ADAM12: variants seen among roughly 807,000 people sequenced by gnomAD.
ADAM12 encodes the protein ADAM metallopeptidase domain 12, also known as disintegrin and metalloproteinase domain-containing protein 12.
Under a neutral mutation model 106.4 loss-of-function variants are expected in ADAM12, and 70 were observed. The ratio of observed to expected loss-of-function variants is 0.66; its 90% CI spans 0.54 to 0.80. The LOEUF (loss-of-function observed/expected upper bound fraction) is 0.80, where lower values mean the gene tolerates loss of function less well. Among genes scored for constraint, ADAM12 ranks in the 30% least tolerant of loss-of-function variants. The pLI, the probability that ADAM12 is intolerant of heterozygous loss-of-function variation, is 0.00. For missense variants in ADAM12, 1,010 were observed against 1,171.9 expected (o/e 0.86, Z 2.02); for synonymous variants, 420 against 433.5 (o/e 0.97, Z 0.39).
In ADAM12 at chr10:126,093,972, C is replaced by T; in HGVS notation, c.1145+13G>A. On this transcript the variant is annotated intron_variant, in intron 11 of 22. Coordinates refer to ENST00000448723, the MANE Select transcript of ADAM12 (RefSeq NM_001288973.2). ...TGCACACTGTCAAAGCAGATGGAAG[C>T]AATGGTACTTGCCCGGTGGAAGCGT... is the stretch of plus-strand genomic sequence containing the variant. 6.2e-7 allele frequency: 1 copy of T among 1,613,834 alleles called. No homozygotes were observed. Among genetic ancestry groups the T allele is most frequent in the Non-Finnish European group, 8.5e-7 (1 of 1,179,798 alleles).
chr10:126,252,251 G>A (rs1194553048), intron 3 of ADAM12, among the ~76,000 whole-genome samples: 1 of 151,406 alleles, frequency 6.6e-6, no homozygotes, highest in Non-Finnish European at 1.5e-5. Context: ...TTGGACTGAT[G>A]GATGGGATGG....
At chr10:126,154,143 C>A (rs1055832298) in intron 4 of ADAM12, among the ~76,000 whole-genome samples, 1 of 152,218 alleles carries the variant, frequency 6.6e-6, no homozygotes, top group Non-Finnish European at 1.5e-5. Context: ...GGCCCTCTTT[C>A]TGGGTCTTGA....
At chr10:126,325,816 T>C (rs761517982) in intron 2 of ADAM12, among the ~76,000 whole-genome samples, 4 of 152,340 alleles carry the variant, frequency 2.6e-5, no homozygotes, top group Non-Finnish European at 5.9e-5. Context: ...ATTTCTGTAG[T>C]AGTGTTAAGT....
In ADAM12 at chr10:126,053,259, C is replaced by T. The variant is rs1469357680; in HGVS notation, c.1610-3590G>A. The stretch of plus-strand genomic sequence containing the variant: ...CTGCAGAACCAAGAACCAATTAAAC[C>T]TTTTTTCTTTATAAATTACCCAGTC... On this transcript the variant is annotated intron_variant, in intron 14 of 22. Coordinates refer to ENST00000448723, the MANE Select transcript of ADAM12 (RefSeq NM_001288973.2). This position sits in a 1 kb window ranked among gnomAD's most constrained non-coding sequence, Gnocchi z 4.6. 6.6e-6 allele frequency among the ~76,000 whole-genome samples: 1 copy of T among 152,106 alleles called. No individual in the cohort carries two copies. The highest frequency in any genetic ancestry group is 1.5e-5 in the Non-Finnish European group (1 of 68,020).
At chr10:126,018,285 G>C (rs1245814662) in intron 22 of ADAM12, among the ~76,000 whole-genome samples, 3 of 152,242 alleles carry the variant, frequency 2.0e-5, no homozygotes, top group African/African-American at 4.8e-5. Flanking sequence ...TGTGTCAGAA[G>C]AGTACTTTGG....
chr10:126,042,317 A>G, intron 18 of ADAM12: 1 of 1,549,916 alleles, frequency 6.5e-7, no homozygotes, highest in Non-Finnish European at 8.7e-7. Flanking sequence ...CCGCACCAGT[A>G]AACCATTTCT....
chr10:126,210,972 T>C (rs1276159277), intron 3 of ADAM12, among the ~76,000 whole-genome samples: 1 of 152,174 alleles, frequency 6.6e-6, no homozygotes, highest in African/African-American at 2.4e-5. Flanking sequence ...TTTTTCCTAT[T>C]TTCAATCTTT....
intron 2 of ADAM12, among the ~76,000 whole-genome samples, chr10:126,298,223 G>GA (rs1051579888): frequency 6.6e-6 from 1 of 150,694 alleles, no homozygotes; most frequent in Non-Finnish European, 1.5e-5. Context: ...TGAAATACAA[G>GA]AAAAAAACCA....
intron 3 of ADAM12, among the ~76,000 whole-genome samples, chr10:126,227,339 C>T (rs2133862954): frequency 6.6e-6 from 1 of 152,318 alleles, no homozygotes; most frequent in East Asian, 1.9e-4. Flanking sequence ...ATCATAACCA[C>T]ATCACCGCTG....
intron 21 of ADAM12, among the ~76,000 whole-genome samples, chr10:126,020,867 C>T (rs961530058): frequency 1.3e-4 from 20 of 151,894 alleles, no homozygotes; most frequent in Admixed American, 2.6e-4. Flanking sequence ...TGGCACATGC[C>T]TGTAATCCCA....
At chr10:126,203,720 A>C (rs1042494881) in intron 3 of ADAM12, among the ~76,000 whole-genome samples, 5 of 152,218 alleles carry the variant, frequency 3.3e-5, no homozygotes, top group African/African-American at 1.2e-4. Flanking sequence ...CTACTCCCAC[A>C]AATTCTTCAG....
At chr10:126,237,240 C>T (rs761932446) in intron 3 of ADAM12, among the ~76,000 whole-genome samples, 23 of 152,110 alleles carry the variant, frequency 1.5e-4, no homozygotes, top group Non-Finnish European at 2.9e-4. Context: ...CCTGTTAGAA[C>T]TCTATGGGAA....
chr10:126,277,054 A>G (rs1468123238), intron 3 of ADAM12, among the ~76,000 whole-genome samples: 2 of 152,220 alleles, frequency 1.3e-5, no homozygotes, highest in Non-Finnish European at 2.9e-5. Context: ...AGGGTATAAA[A>G]TTGCATACAG....
intron 3 of ADAM12, among the ~76,000 whole-genome samples, chr10:126,251,304 T>C (rs1479652254): frequency 6.6e-6 from 1 of 152,226 alleles, no homozygotes; most frequent in East Asian, 1.9e-4. Context: ...TTGTCTTGCC[T>C]GCAATCAAAG....
At chr10:126,222,587 C>T (rs11244892) in intron 3 of ADAM12, among the ~76,000 whole-genome samples, 1,761 of 151,622 alleles carry the variant, frequency 0.012, 57 homozygotes, top group East Asian at 0.1. Context: ...ACAACAGACT[C>T]ACTGGGGGTC....
intron 21 of ADAM12, among the ~76,000 whole-genome samples, chr10:126,024,784 G>GA (rs919376693): frequency 1.3e-5 from 2 of 149,832 alleles, no homozygotes; most frequent in African/African-American, 4.9e-5. Flanking sequence ...TGGTCATCTA[G>GA]AAAAAAATAA....
chr10:126,282,227 C>A (rs1289060588), intron 2 of ADAM12, among the ~76,000 whole-genome samples: 1 of 152,132 alleles, frequency 6.6e-6, no homozygotes, highest in African/African-American at 2.4e-5. Flanking sequence ...AGGACACCAG[C>A]CATATAAGAT....
At chr10:126,040,433 T>C (rs779520932) in intron 18 of ADAM12, among the ~76,000 whole-genome samples, 1 of 152,214 alleles carries the variant, frequency 6.6e-6, no homozygotes, top group East Asian at 1.9e-4. Flanking sequence ...CTCAGCTGGC[T>C]GTGGATCACT....
chr10:126,102,296 C>G (rs1955683666), intron 8 of ADAM12, among the ~76,000 whole-genome samples: 1 of 152,142 alleles, frequency 6.6e-6, no homozygotes, highest in Non-Finnish European at 1.5e-5. Flanking sequence ...AGGCAGCACA[C>G]AGGGAGAAAG....
Sources: gnomAD v4.1 joint callset for allele counts (sites outside exome capture counted in the v4.1 genomes callset) on GRCh38, gnomAD v4.1.1 for gene constraint, Gnocchi (gnomAD v3.1) non-coding constraint, MANE v1.5 for transcripts, NCBI Gene and HGNC (gene_info 2026-07-23, HGNC 2026-07-21) for gene names.